Variants in SPPL3 observed in about 807,000 individuals in gnomAD.
SPPL3 encodes signal peptide peptidase like 3.
SPPL3 carries 5 observed loss-of-function variants against 42.4 expected under a neutral mutation model. The ratio of observed to expected loss-of-function variants is 0.12; its 90% CI spans 0.06 to 0.25. The LOEUF (loss-of-function observed/expected upper bound fraction) is 0.25, where lower values mean the gene tolerates loss of function less well. SPPL3 is among the 10% of genes least tolerant of loss of function. The pLI, the probability that SPPL3 is intolerant of heterozygous loss-of-function variation, is 1.00. For missense variants in SPPL3, 235 were observed against 489.0 expected (o/e 0.48, Z 4.90); for synonymous variants, 195 against 181.8 (o/e 1.07, Z -0.58).
At chr12:120,840,962 TAATA>T (rs10679021) in intron 1 of SPPL3, among the ~76,000 whole-genome samples, 13 of 148,908 alleles carry the variant, frequency 8.7e-5, no homozygotes, top group African/African-American at 2.7e-4. Flanking sequence ...ATTCATTCAT[TAATA>T]AATAAATAAC....
chr12:120,832,288 T>C (rs1871450244), intron 1 of SPPL3, among the ~76,000 whole-genome samples: 1 of 152,174 alleles, frequency 6.6e-6, no homozygotes, highest in Admixed American at 6.5e-5. Flanking sequence ...CCAAGAATTG[T>C]GAGATTGGTT....
intron 1 of SPPL3, among the ~76,000 whole-genome samples, chr12:120,863,126 T>TC (rs1413146247): frequency 6.6e-6 from 1 of 152,146 alleles, no homozygotes; most frequent in African/African-American, 2.4e-5. Flanking sequence ...GGTGGGTGGA[T>TC]CACCTGAGGT....
At chr12:120,766,821 A>G (rs567644949) in intron 9 of SPPL3, among the ~76,000 whole-genome samples, 12 of 152,314 alleles carry the variant, frequency 7.9e-5, no homozygotes, top group Admixed American at 7.8e-4. Flanking sequence ...TGTGGACTGA[A>G]ATGAACCCAT....
At chr12:120,802,415 G>GTA (rs1555248882) in intron 2 of SPPL3, among the ~76,000 whole-genome samples, 12,444 of 112,174 alleles carry the variant, frequency 0.11, 902 homozygotes, top group Non-Finnish European at 0.15. Flanking sequence ...GTGTGTGTGT[G>GTA]TATATATATA....
At chr12:120,856,536 G>A (rs1307929350) in intron 1 of SPPL3, among the ~76,000 whole-genome samples, 2 of 130,024 alleles carry the variant, frequency 1.5e-5, no homozygotes, top group Non-Finnish European at 3.1e-5. Context: ...TTGAGACAGA[G>A]CGAGACTCCG....
intron 1 of SPPL3, chr12:120,901,891 T>A: frequency 2.0e-6 from 2 of 985,418 alleles, no homozygotes; most frequent in Non-Finnish European, 2.4e-6. Context: ...GTAAAACATT[T>A]TCATTTTCCC....
chr12:120,880,127 G>GA lies in SPPL3; in HGVS notation c.23+23717dup, dbSNP rs542857488. 3.1e-4 allele frequency among the ~76,000 whole-genome samples: 46 copies of GA among 146,512 alleles called. No homozygotes were observed. In the East Asian group the frequency reaches 6.7e-3, roughly 21 times the overall value. On this transcript the variant is annotated intron_variant, in intron 1 of 10. Transcript: ENST00000353487. ...TCAACAGGCTACTGGAGGACAGGAT[G>GA]AAAAAAAAACACTGGGGCTGAGACA... is the stretch of plus-strand genomic sequence containing the variant.
intron 1 of SPPL3, among the ~76,000 whole-genome samples, chr12:120,875,666 T>G (rs1003564950): frequency 1.3e-5 from 2 of 151,200 alleles, no homozygotes; most frequent in African/African-American, 4.9e-5. Flanking sequence ...CAAAAATACT[T>G]CATGTTTTAA....
At chr12:120,862,744 G>A (rs1010946811) in intron 1 of SPPL3, among the ~76,000 whole-genome samples, 3 of 152,104 alleles carry the variant, frequency 2.0e-5, no homozygotes, top group African/African-American at 7.2e-5. Context: ...CCATTACACA[G>A]GCATGATTGA....
chr12:120,827,346 T>TC (rs1843067148), intron 1 of SPPL3, among the ~76,000 whole-genome samples: 2 of 143,656 alleles, frequency 1.4e-5, no homozygotes, highest in African/African-American at 5.4e-5. Context: ...ATAATAATAA[T>TC]AATAATAATA....
intron 1 of SPPL3, among the ~76,000 whole-genome samples, chr12:120,842,209 GT>G (rs975877877): frequency 6.6e-6 from 1 of 152,136 alleles, no homozygotes; most frequent in African/African-American, 2.4e-5. Context: ...CATTTTTTAG[GT>G]AGATAAGAAG....
intron 1 of SPPL3, among the ~76,000 whole-genome samples, chr12:120,884,078 GCAA>G (rs1404358223): frequency 6.8e-6 from 1 of 147,466 alleles, no homozygotes; most frequent in African/African-American, 2.5e-5. Flanking sequence ...TCCAGCGTGG[GCAA>G]CAACAGCGAA....
Position 120,901,611 on chromosome 12 carries a change from A to AAG in SPPL3, c.23+2233_23+2234insCT, listed in dbSNP as rs11375297. 8.9e-4 allele frequency among the ~76,000 whole-genome samples: 133 copies of AAG among 149,460 alleles called. 2 individuals carry two copies. Among genetic ancestry groups the AAG allele is most frequent in the Admixed American group, 2.7e-3 (40 of 14,962 alleles). On this transcript the variant is annotated intron_variant, in intron 1 of 10. Coordinates refer to ENST00000353487, the MANE Select transcript of SPPL3 (RefSeq NM_139015.5). ...GTCCTAAAAAAAAAAAAAAAAAAAAAGGAAACTGCCCACTTTCCCCAGTCT... is the reference window on the plus strand; with the variant it reads ...GTCCTAAAAAAAAAAAAAAAAAAAAAAGGGAAACTGCCCACTTTCCCCAGTCT...
At chr12:120,818,057 C>G (rs923965883) in intron 1 of SPPL3, among the ~76,000 whole-genome samples, 1 of 152,154 alleles carries the variant, frequency 6.6e-6, no homozygotes, top group Non-Finnish European at 1.5e-5. Context: ...CAGTCTCTCC[C>G]TATCCTACAT....
At chr12:120,810,386 GA>G (rs60411502) in intron 2 of SPPL3, among the ~76,000 whole-genome samples, 12 of 148,648 alleles carry the variant, frequency 8.1e-5, no homozygotes, top group Non-Finnish European at 1.0e-4. Context: ...TTTTTGGTTA[GA>G]AAAAAAAAAT....
chr12:120,891,248 C>T (rs1176212169), intron 1 of SPPL3, among the ~76,000 whole-genome samples: 2 of 152,132 alleles, frequency 1.3e-5, no homozygotes, highest in African/African-American at 2.4e-5. Flanking sequence ...ATCCTTAGGC[C>T]TGTGAGTTTT....
At chr12:120,805,647 T>C (rs1041476430) in intron 2 of SPPL3, among the ~76,000 whole-genome samples, 2 of 152,178 alleles carry the variant, frequency 1.3e-5, no homozygotes, top group Non-Finnish European at 2.9e-5. Context: ...CCAGCACTAA[T>C]AAATGAGTTC....
chr12:120,770,345 G>T (rs1869070008), intron 6 of SPPL3, among the ~76,000 whole-genome samples: 1 of 152,096 alleles, frequency 6.6e-6, no homozygotes, highest in African/African-American at 2.4e-5. Context: ...TTTTTTTAAT[G>T]ACTTGCTGAA....
intron 6 of SPPL3, among the ~76,000 whole-genome samples, chr12:120,782,049 T>C (rs574739246): frequency 3.9e-5 from 6 of 152,080 alleles, no homozygotes; most frequent in African/African-American, 1.4e-4. Context: ...ATTTTTATTT[T>C]TGTAGAAATG....
Sources: gnomAD v4.1 joint callset for allele counts (sites outside exome capture counted in the v4.1 genomes callset) on GRCh38, gnomAD v4.1.1 for gene constraint, MANE v1.5 for transcripts, NCBI Gene and HGNC (gene_info 2026-07-23, HGNC 2026-07-21) for gene names.